Variants in PCDH11X observed in about 807,000 individuals in gnomAD.
The protein encoded by PCDH11X is protocadherin 11 X-linked.
PCDH11X carries 18 observed loss-of-function variants against 53.3 expected under a neutral mutation model. The ratio of observed to expected loss-of-function variants is 0.34; its 90% confidence interval spans 0.23 to 0.50. The LOEUF (loss-of-function observed/expected upper bound fraction) is 0.50. Among genes scored for constraint, PCDH11X ranks in the 20% least tolerant of loss-of-function variants. The pLI is 0.98. For missense variants in PCDH11X, 570 were observed against 1,032.4 expected (o/e 0.55, Z 6.14); for synonymous variants, 279 against 393.3 (o/e 0.71, Z 3.44).
intron 6 of PCDH11X, among the ~76,000 whole-genome samples, chrX:92,019,565 A>C (rs1207141243): frequency 8.9e-6 from 1 of 112,065 alleles, no homozygotes; most frequent in East Asian, 2.8e-4. Flanking sequence ...TTTTCTTAAA[A>C]CCATACGATT....
chrX:92,178,153 G>A (rs1346262748), intron 6 of PCDH11X, among the ~76,000 whole-genome samples: 2 of 111,178 alleles, frequency 1.8e-5, no homozygotes, highest in Admixed American at 9.7e-5. Context: ...TCTATTTCAC[G>A]AACAGTAGGA....
At chrX:92,199,692 A>G (rs2066356603) in intron 6 of PCDH11X, among the ~76,000 whole-genome samples, 1 of 110,075 alleles carries the variant, frequency 9.1e-6, no homozygotes, top group African/African-American at 3.3e-5. Flanking sequence ...GTGGGGAGTG[A>G]TAGAATATTG....
rs574325054 is a variant in PCDH11X at position 92,584,950 on chromosome X, T to C, written c.3368-33314T>C. Among the ~76,000 whole-genome samples, 119 of 109,332 alleles carry C rather than the reference T, an allele frequency of 1.1e-3. No homozygotes were observed. The South Asian group carries it at 0.014, about 12-fold the overall frequency. 94.9% of individuals were successfully genotyped at this position (109,332 alleles called of 115,157 possible). ...CTGGGATTACAGGCGTGTGCCATCA[T>C]GCCCAGCTAATTTGTATTTTTAGTA... is the stretch of plus-strand genomic sequence containing the variant. On this transcript the variant is annotated intron_variant, in intron 10 of 10. Transcript: ENST00000682573.
At chrX:91,925,791 T>C (rs1295040456) in intron 6 of PCDH11X, among the ~76,000 whole-genome samples, 1 of 110,768 alleles carries the variant, frequency 9.0e-6, no homozygotes, top group Admixed American at 9.7e-5. Flanking sequence ...AGAGCTTGTG[T>C]GCAATGATTT....
chrX:92,337,644 A>G (rs1338884447), intron 8 of PCDH11X, among the ~76,000 whole-genome samples: 2 of 110,551 alleles, frequency 1.8e-5, no homozygotes, highest in African/African-American at 6.6e-5. Context: ...ATGTATTGAT[A>G]TGAGGGCCTA....
At chrX:91,956,609 C>G (rs2061714272) in intron 6 of PCDH11X, among the ~76,000 whole-genome samples, 1 of 108,577 alleles carries the variant, frequency 9.2e-6, no homozygotes, top group Non-Finnish European at 1.9e-5. Flanking sequence ...GTAGGATTTC[C>G]ACTGAGAAGT....
chrX:92,207,295 G>T (rs756865387), intron 7 of PCDH11X, among the ~76,000 whole-genome samples: 2 of 111,466 alleles, frequency 1.8e-5, no homozygotes, highest in Admixed American at 9.6e-5. Flanking sequence ...AGTTAGCATG[G>T]AATTCTTATT....
chrX:92,493,970 C>T (rs1188859887), intron 10 of PCDH11X, among the ~76,000 whole-genome samples: 1 of 109,770 alleles, frequency 9.1e-6, no homozygotes, highest in Non-Finnish European at 1.9e-5. Flanking sequence ...TTATATCCCT[C>T]TCTTGCCAAC....
At chrX:92,200,073 T>A (rs1465910245) in intron 6 of PCDH11X, among the ~76,000 whole-genome samples, 1 of 111,917 alleles carries the variant, frequency 8.9e-6, no homozygotes, top group Non-Finnish European at 1.9e-5. Flanking sequence ...TGTCTTCTTT[T>A]ATGAAATGCC....
intron 6 of PCDH11X, among the ~76,000 whole-genome samples, chrX:91,943,882 C>A (rs2061539074): frequency 9.4e-6 from 1 of 106,261 alleles, no homozygotes; most frequent in Admixed American, 1.1e-4. Flanking sequence ...AAGCCACAGG[C>A]TTACTTATAG....
At chrX:91,937,723 T>C (rs1337554890) in intron 6 of PCDH11X, among the ~76,000 whole-genome samples, 1 of 111,292 alleles carries the variant, frequency 9.0e-6, no homozygotes, top group Non-Finnish European at 1.9e-5. Context: ...TTAGCGACTG[T>C]ATAAGATCTT....
intron 6 of PCDH11X, among the ~76,000 whole-genome samples, chrX:92,200,771 G>T (rs921698404): frequency 8.9e-6 from 1 of 112,237 alleles, no homozygotes; most frequent in African/African-American, 3.2e-5. Context: ...ATTTTAATTT[G>T]CAACAAGAGC....
At chrX:92,004,120 T>G (rs1197415483) in intron 6 of PCDH11X, among the ~76,000 whole-genome samples, 1 of 111,588 alleles carries the variant, frequency 9.0e-6, no homozygotes, top group Admixed American at 9.6e-5. Context: ...TTTGAATTCA[T>G]TCTTAATTTC....
chrX:92,327,663 C>T (rs918341579), intron 8 of PCDH11X, among the ~76,000 whole-genome samples: 1 of 109,765 alleles, frequency 9.1e-6, no homozygotes, highest in African/African-American at 3.3e-5. Context: ...CTGTCCATAC[C>T]ATATGCACCT....
chrX:92,602,133 A>G (rs1926297666), intron 10 of PCDH11X, among the ~76,000 whole-genome samples: 1 of 110,862 alleles, frequency 9.0e-6, no homozygotes, highest in Non-Finnish European at 1.9e-5. Flanking sequence ...TGGCACACAT[A>G]TATTGCCCAG....
At chrX:92,034,409 A>G (rs765577267) in intron 6 of PCDH11X, among the ~76,000 whole-genome samples, 1 of 108,883 alleles carries the variant, frequency 9.2e-6, no homozygotes, top group African/African-American at 3.3e-5. Flanking sequence ...TTTTATATAT[A>G]TTTGGGTGCT....
chrX:92,506,216 C>CTTTTTTTTTTTTTT (rs1180678297), intron 10 of PCDH11X, among the ~76,000 whole-genome samples: 30 of 40,189 alleles, frequency 7.5e-4, no homozygotes, highest in East Asian at 1.9e-3. Flanking sequence ...CTTTTCTTTT[C>CTTTTTTTTTTTTTT]TTTTTTTTTT....
intron 8 of PCDH11X, among the ~76,000 whole-genome samples, chrX:92,292,012 G>A (rs1163425712): frequency 2.7e-5 from 3 of 111,829 alleles, no homozygotes; most frequent in Non-Finnish European, 5.6e-5. Context: ...AATGTGAAAT[G>A]CATCACTTTG....
In PCDH11X at chrX:92,577,965, C is replaced by A. The variant is rs183069582; in HGVS notation, c.3368-40299C>A. On this transcript the variant is annotated intron_variant, in intron 10 of 10. Transcript: ENST00000682573. Reference sequence around the variant, plus strand: ...AGTATTTTACTTCCAATTATGTGATCAGTTTTATAGTAAGTGCCATGTGGC... The same window carrying A: ...AGTATTTTACTTCCAATTATGTGATAAGTTTTATAGTAAGTGCCATGTGGC... Among the ~76,000 whole-genome samples, 185 of 108,389 alleles carry A rather than the reference C, an allele frequency of 1.7e-3. 1 individual carries two copies. Among genetic ancestry groups the A allele is most frequent in the African/African-American group, 4.6e-3 (135 of 29,504 alleles). 94.1% of individuals were successfully genotyped at this position (108,389 alleles called of 115,157 possible). A position where few individuals can be genotyped will look rare whatever the true frequency, so the allele number is the denominator to read the frequency against.
Sources: allele counts gnomAD v4.1 joint callset (sites outside exome capture counted in the v4.1 genomes callset), GRCh38; gene constraint gnomAD v4.1.1; transcripts MANE v1.5; gene names NCBI Gene and HGNC (gene_info 2026-07-23, HGNC 2026-07-21).